KIF6: variants seen among roughly 807,000 people sequenced by gnomAD.
KIF6 encodes the protein kinesin-like protein KIF6.
KIF6 carries 106 observed loss-of-function variants against 112.7 expected under a neutral mutation model. That is an observed-to-expected ratio of 0.94 (90% CI 0.80 to 1.11). The LOEUF is 1.11. Among genes scored for constraint, KIF6 ranks in the 50% least tolerant of loss-of-function variants. The probability of loss-of-function intolerance (pLI) is 0.00; values close to 1 mark genes in which losing one functional copy is unlikely to be tolerated. For synonymous variants in KIF6, 339 were observed against 339.9 expected (o/e 1.00, Z 0.03); for missense variants, 929 against 964.0 (o/e 0.96, Z 0.48).
At chr6:39,718,315 A>T (rs2926472) in intron 2 of KIF6, 48,433 of 151,182 alleles carry the variant, frequency 0.32, 9,150 homozygotes, top group Non-Finnish European at 0.41. Flanking sequence ...AATCAAATGG[A>T]ATCATGTTGA....
chr6:39,397,394 G>A (rs1463311760), intron 15 of KIF6, among the ~76,000 whole-genome samples: 1 of 152,166 alleles, frequency 6.6e-6, no homozygotes, highest in Admixed American at 6.5e-5. Context: ...TAACACCAGA[G>A]CTCTTTCTCC....
At chr6:39,467,716 AT>A (rs1400237223) in intron 13 of KIF6, among the ~76,000 whole-genome samples, 5 of 152,250 alleles carry the variant, frequency 3.3e-5, no homozygotes, top group African/African-American at 1.2e-4. Flanking sequence ...CTGCTATATT[AT>A]CTAAAACATC....
intron 3 of KIF6, among the ~76,000 whole-genome samples, chr6:39,692,374 G>A (rs160022): frequency 0.044 from 6,751 of 152,208 alleles, 468 homozygotes; most frequent in African/African-American, 0.15. Context: ...AAATCAGCTT[G>A]TCTGTACTCA....
In KIF6 at chr6:39,720,437, G is replaced by A. The variant is rs577227554; in HGVS notation, c.176+265C>T. On this transcript the variant is annotated intron_variant, in intron 2 of 22. Coordinates refer to ENST00000287152, the MANE Select transcript of KIF6 (RefSeq NM_145027.6). ...TGTAAGTGCTAAACAAGAGTGGGTT[G>A]AGTAGGAAAATACTAGATAAACAGA... Among the ~76,000 whole-genome samples the A allele has an allele frequency of 3.6e-4, 55 of 152,178 alleles. No individual in the cohort carries two copies. In the South Asian group the frequency reaches 7.5e-3, roughly 21 times the overall value.
intron 15 of KIF6, among the ~76,000 whole-genome samples, chr6:39,387,772 A>T (rs762184736): frequency 2.0e-5 from 3 of 152,140 alleles, no homozygotes; most frequent in Non-Finnish European, 4.4e-5. Context: ...CTGGACTGAG[A>T]CTCTAGGCTG....
intron 13 of KIF6, among the ~76,000 whole-genome samples, chr6:39,485,366 C>G (rs969338307): frequency 1.3e-5 from 2 of 152,108 alleles, no homozygotes; most frequent in African/African-American, 4.8e-5. Flanking sequence ...CCACTATCCC[C>G]CACCAACTCT....
chr6:39,375,348 T>A (rs1271270571), intron 16 of KIF6, among the ~76,000 whole-genome samples: 1 of 152,174 alleles, frequency 6.6e-6, no homozygotes, highest in Non-Finnish European at 1.5e-5. Flanking sequence ...AAATTTCAAA[T>A]GTCTCACCAC....
intron 13 of KIF6, among the ~76,000 whole-genome samples, chr6:39,516,665 G>A (rs1451367996): frequency 6.6e-6 from 1 of 152,108 alleles, no homozygotes; most frequent in Non-Finnish European, 1.5e-5. Context: ...AGGAAAACAT[G>A]TGCAAGTATT....
chr6:39,423,652 A>T (rs1473861837), intron 14 of KIF6, among the ~76,000 whole-genome samples: 1 of 151,998 alleles, frequency 6.6e-6, no homozygotes, highest in Non-Finnish European at 1.5e-5. Context: ...TCTGCCCTGA[A>T]CACCTCCCCT....
intron 20 of KIF6, among the ~76,000 whole-genome samples, chr6:39,346,076 C>T: frequency 4.5e-5 from 1 of 22,204 alleles, no homozygotes; most frequent in East Asian, 1.1e-3. Context: ...CTCTCTCTCT[C>T]TCTCTCTCTC....
intron 5 of KIF6, among the ~76,000 whole-genome samples, chr6:39,618,303 T>G (rs1218063329): frequency 1.3e-5 from 2 of 152,194 alleles, no homozygotes; most frequent in Admixed American, 1.3e-4. Context: ...TAACATCATA[T>G]CTTTTCACTG....
intron 5 of KIF6, among the ~76,000 whole-genome samples, chr6:39,630,136 C>T (rs1338933241): frequency 6.6e-6 from 1 of 151,910 alleles, no homozygotes; most frequent in African/African-American, 2.4e-5. Context: ...TGACTTTGTT[C>T]TTCTTCTGTA....
chr6:39,679,773 G>T (rs970341603), intron 3 of KIF6, among the ~76,000 whole-genome samples: 3 of 150,766 alleles, frequency 2.0e-5, no homozygotes, highest in Non-Finnish European at 4.4e-5. Context: ...ATGCCACCAT[G>T]CCCGGCTAAT....
At chr6:39,559,149 G>T (rs1779881010) in intron 10 of KIF6, among the ~76,000 whole-genome samples, 1 of 152,116 alleles carries the variant, frequency 6.6e-6, no homozygotes, top group Non-Finnish European at 1.5e-5. Flanking sequence ...AAATGCAAGG[G>T]AGCCATTAAT....
intron 13 of KIF6, among the ~76,000 whole-genome samples, chr6:39,454,679 G>A (rs532374047): frequency 1.1e-4 from 16 of 152,318 alleles, no homozygotes; most frequent in South Asian, 2.1e-4. Flanking sequence ...TGCGCGAGCC[G>A]AAGCAGGGCG....
Position 39,613,198 on chromosome 6 carries a change from C to T in KIF6, c.630G>A (p.Met210Ile). The T allele has an allele frequency of 6.3e-7, 1 of 1,592,682 alleles. No homozygotes were observed. Among genetic ancestry groups the T allele is most frequent in the Non-Finnish European group, 8.5e-7 (1 of 1,171,264 alleles). The change falls in exon 6 of 23, where the codon ATG (methionine) becomes ATA (isoleucine). Residue 210 changes from methionine to isoleucine, a missense_variant. Around this residue, in one of 2 missense-constraint regions of KIF6, gnomAD observed 688 missense variants for 662.7 expected, o/e 1.04. Coordinates refer to ENST00000287152, the MANE Select transcript of KIF6 (RefSeq NM_145027.6). ...GAGAGAAGTTTATTACCTCTGCAATCATTCGGTTGGTGTCTCCTAAAAAAA... is the reference window on the plus strand; with the variant it reads ...GAGAGAAGTTTATTACCTCTGCAATTATTCGGTTGGTGTCTCCTAAAAAAA... ...NLLFLGDTNR[M>I]IAETPMNQAS...
At chr6:39,423,769 C>T (rs1770557026) in intron 14 of KIF6, among the ~76,000 whole-genome samples, 1 of 152,092 alleles carries the variant, frequency 6.6e-6, no homozygotes, top group Non-Finnish European at 1.5e-5. Flanking sequence ...AGCGCCTTCC[C>T]TCAATCCTGG....
rs182561228 is a variant in KIF6 at position 39,429,780 on chromosome 6, T to C, written c.1754+1273A>G. Among the ~76,000 whole-genome samples, 1,659 of 151,856 alleles carry C rather than the reference T, an allele frequency of 0.011. 165 individuals are homozygous for C. The East Asian group carries it at 0.25, about 23-fold the overall frequency. ...AAAATTAGCCAGGTGTGGTGGCGGG[T>C]GCCTGTAGTCCCAGCTACTTGGGAG... On this transcript the variant is annotated intron_variant, in intron 14 of 22. Transcript: ENST00000287152.
At chr6:39,491,181 G>A (rs1375063642) in intron 13 of KIF6, among the ~76,000 whole-genome samples, 1 of 152,108 alleles carries the variant, frequency 6.6e-6, no homozygotes, top group Non-Finnish European at 1.5e-5. Context: ...TGTGGCTCCT[G>A]TCTTGTTAGC....
Sources: gnomAD v4.1 joint callset for allele counts (sites outside exome capture counted in the v4.1 genomes callset) on GRCh38, gnomAD v4.1.1 for gene constraint, gnomAD v4.1.1 regional missense constraint, MANE v1.5 for transcripts, NCBI Gene and HGNC (gene_info 2026-07-23, HGNC 2026-07-21) for gene names.